IQGAP3: variants seen among roughly 807,000 people sequenced by gnomAD.
IQGAP3 encodes IQ motif containing GTPase activating protein 3.
Under a neutral mutation model 208.2 loss-of-function variants are expected in IQGAP3, and 165 were observed. The observed-to-expected ratio is 0.79, with a 90% CI of 0.70 to 0.90. The LOEUF is 0.90. Among genes scored for constraint, IQGAP3 ranks in the 40% least tolerant of loss-of-function variants. IQGAP3 has a pLI of 0.00. For missense variants in IQGAP3, 1,811 were observed against 2,043.1 expected (o/e 0.89, Z 2.19); for synonymous variants, 703 against 803.6 (o/e 0.87, Z 2.12).
intron 11 of IQGAP3, among the ~76,000 whole-genome samples, chr1:156,560,389 T>G (rs971966972): frequency 6.6e-6 from 1 of 152,076 alleles, no homozygotes; most frequent in Non-Finnish European, 1.5e-5. Context: ...CAGGTGCCTG[T>G]CAACCCAGCT....
intron 36 of IQGAP3, among the ~76,000 whole-genome samples, 164 bp from the exon 37 acceptor site, chr1:156,528,224 T>C (rs772643748): frequency 7.2e-5 from 11 of 152,114 alleles, no homozygotes; most frequent in Non-Finnish European, 1.6e-4. Flanking sequence ...CCATTTTACT[T>C]CTGCTCCCCA....
chr1:156,556,637 T>G lies in IQGAP3; in HGVS notation c.1186A>C (p.Thr396Pro). 1 of 1,609,356 alleles carries G rather than the reference T, an allele frequency of 6.2e-7. No individual in the cohort carries two copies. Among genetic ancestry groups the G allele is most frequent in the Non-Finnish European group, 8.5e-7 (1 of 1,177,188 alleles). Residue 396 changes from threonine (T) to proline (P), a missense_variant, in exon 12 of 38, where the codon ACT (threonine) becomes CCT (proline). Physicochemically the swap from Thr to Pro is conservative, Grantham distance 38. Coordinates refer to ENST00000361170, the MANE Select transcript of IQGAP3 (RefSeq NM_178229.5). ...KAIRRRVAAD[T>P]VKELMCPEAQ... ...TCAGGGCACATCAGCTCCTTCACAG[T>G]GTCAGCCGCCACTCTCCTCCGGATG...
At position 156,563,116 on chromosome 1, in the gene IQGAP3, C is replaced by A. The variant is rs16837492; in HGVS notation, c.798+18G>T. ...CCACTCAACTTTTCGGTCCCTGCAA[C>A]CCAAGACTACTCCTTACATGGTTCC... On this transcript the variant is annotated intron_variant, in intron 8 of 37. Transcript: ENST00000361170. 0.69 allele frequency: 1,072,251 copies of A among 1,560,612 alleles called. 373,390 individuals carry two copies. The highest frequency in any genetic ancestry group is 0.72 in the Non-Finnish European group (829,816 of 1,148,088).
intron 19 of IQGAP3, among the ~76,000 whole-genome samples, chr1:156,547,204 C>T (rs921722701): frequency 6.6e-6 from 1 of 152,088 alleles, no homozygotes; most frequent in East Asian, 1.9e-4. Context: ...CCACACTGGA[C>T]CATCCACGGG....
At chr1:156,562,710 TCTC>T in intron 8 of IQGAP3, 45 bp from the exon 9 acceptor site, 1 of 1,497,370 alleles carries the variant, frequency 6.7e-7, no homozygotes, top group Non-Finnish European at 9.3e-7. Context: ...CCCAATTTAA[TCTC>T]CTTGTCCTGC....
At chr1:156,528,841 T>C in intron 35 of IQGAP3, 75 bp downstream of exon 35, 1 of 1,531,670 alleles carries the variant, frequency 6.5e-7, no homozygotes, top group Non-Finnish European at 9.0e-7. Context: ...AGCTGGGAGA[T>C]AGCAGGGCAA....
chr1:156,563,106 G>T, intron 8 of IQGAP3, 28 bp downstream of exon 8: 1 of 1,534,298 alleles, frequency 6.5e-7, no homozygotes, highest in Non-Finnish European at 8.8e-7. Flanking sequence ...CAACTTTTCG[G>T]TCCCTGCAAC....
At chr1:156,541,170 C>A (rs1414641667) in intron 22 of IQGAP3, among the ~76,000 whole-genome samples, 1 of 152,008 alleles carries the variant, frequency 6.6e-6, no homozygotes, top group Non-Finnish European at 1.5e-5. Flanking sequence ...CTCTGATTCA[C>A]CCCAGCCTGG....
Position 156,530,248 on chromosome 1 carries a change from G to C in IQGAP3, c.4261C>G (p.Arg1421Gly), listed in dbSNP as rs751036559. 6.2e-7 allele frequency: 1 copy of C among 1,612,900 alleles called. No homozygotes were observed. Among genetic ancestry groups the C allele is most frequent in the Admixed American group, 1.7e-5 (1 of 59,986 alleles). Residue 1421 changes from arginine to glycine, a missense_variant, in exon 34 of 38, where the codon CGA becomes GGA. By Grantham distance (125) the Arg-to-Gly change is moderately radical (BLOSUM62 -2). Coordinates refer to ENST00000361170, the MANE Select transcript of IQGAP3 (RefSeq NM_178229.5). ...CTAQTPEPLR[R>G]HRSLTAHSLL... is the part of the protein sequence containing the mutation. ...GAGTGAGCTGTCAGTGAGCGGTGTC[G>C]TCGCAGTGGCTCCGGTGTCTGGGCT...
chr1:156,530,274 G>A lies in IQGAP3; in HGVS notation c.4235C>T (p.Thr1412Ile), dbSNP rs1320186125. Reference sequence around the variant, plus strand: ...TCGCAGTGGCTCCGGTGTCTGGGCTGTACAGGCCTGGCGTCGGCTCATCAG... The same window carrying A: ...TCGCAGTGGCTCCGGTGTCTGGGCTATACAGGCCTGGCGTCGGCTCATCAG... ...KQLMSRRQAC[T>I]AQTPEPLRRH... The change falls in exon 34 of 38, where the codon ACA (threonine) becomes ATA (isoleucine). Residue 1412 changes from threonine (T) to isoleucine (I), a missense_variant. Coordinates refer to ENST00000361170, the MANE Select transcript of IQGAP3 (RefSeq NM_178229.5). 6.2e-7 allele frequency: 1 copy of A among 1,611,742 alleles called. No individual in the cohort carries two copies. The highest frequency in any genetic ancestry group is 1.3e-5 in the African/African-American group (1 of 74,916).
chr1:156,542,220 C>T (rs1206186114), intron 22 of IQGAP3, among the ~76,000 whole-genome samples: 3 of 152,142 alleles, frequency 2.0e-5, no homozygotes. Flanking sequence ...GACAGAGTCT[C>T]GCTCTGTTGT....
rs373751756 is a variant in IQGAP3, at chr1:156,554,241, G to A, written c.1442C>T (p.Ala481Val). The change falls in exon 13 of 38, where the codon GCC becomes GTC. Residue 481 changes from alanine to valine, a missense_variant. By Grantham distance (64) the Ala-to-Val change is moderately conservative (BLOSUM62 0). Coordinates refer to ENST00000361170, the MANE Select transcript of IQGAP3 (RefSeq NM_178229.5). ...GTGGCTAAGCCTTTCTCACCGCTGG[G>A]CATTTTCTCCTTCCACCTCAGCCAG... ...TGLAEVEGEN[A>V]QRYFDALLKL... is the part of the protein sequence containing the mutation. 1.9e-6 allele frequency: 3 copies of A among 1,606,850 alleles called. No individual in the cohort carries two copies. Among genetic ancestry groups the A allele is most frequent in the East Asian group, 2.2e-5 (1 of 44,798 alleles).
At position 156,526,619 on chromosome 1, in the gene IQGAP3, G is replaced by A. The variant is rs767119729; in HGVS notation, c.4783-20C>T. 9.6e-6 allele frequency: 15 copies of A among 1,570,488 alleles called. No individual in the cohort carries two copies. In the East Asian group the frequency reaches 2.7e-4, roughly 28 times the overall value. ...GAGATCCTAGGAGGGAAGAGGCAGG[G>A]AGGGGAGTTTAAGGGCTTCTGAATG... is the stretch of plus-strand genomic sequence containing the variant. On this transcript the variant is annotated intron_variant, in intron 37 of 37. Transcript: ENST00000361170.
chr1:156,552,051 C>T lies in IQGAP3; in HGVS notation c.1493G>A (p.Gly498Asp). 6.2e-7 allele frequency: 1 copy of T among 1,614,212 alleles called. No individual in the cohort carries two copies. The highest frequency in any genetic ancestry group is 8.5e-7 in the Non-Finnish European group (1 of 1,180,036). ...GTCATTCCAGCTCAGGAAGTCCTCA[C>T]CCATCCCACGCTCCTGTCGCAATTT... ...LLKLRQERGM[G>D]EDFLSWNDLQ... The change falls in exon 14 of 38, where the codon GGT (glycine) becomes GAT (aspartate). Residue 498 changes from glycine (G) to aspartate (D), a missense_variant. Transcript: ENST00000361170.
chr1:156,569,931 C>G (rs1472906237), intron 1 of IQGAP3, among the ~76,000 whole-genome samples: 1 of 152,182 alleles, frequency 6.6e-6, no homozygotes, highest in Non-Finnish European at 1.5e-5. Context: ...GCAGCCTCCT[C>G]CTGTGCTGGA....
Position 156,533,892 on chromosome 1 carries a change from GA to G in IQGAP3, c.3874-18del. ...CAGCAACAGCTGCAGGACGGAGAAA[GA>G]AAAGGAGATGCAGGGTCTGAGCCAG... On this transcript the variant is annotated intron_variant, in intron 30 of 37. Transcript: ENST00000361170. The G allele has an allele frequency of 1.2e-6, 2 of 1,605,760 alleles. No homozygotes were observed. Among genetic ancestry groups the G allele is most frequent in the Non-Finnish European group, 1.7e-6 (2 of 1,175,332 alleles).
At position 156,528,595 on chromosome 1, in the gene IQGAP3, C is replaced by T. The variant is rs754795592; in HGVS notation, c.4587G>A (p.Gly1529=). 2 of 1,613,380 alleles carry T rather than the reference C, an allele frequency of 1.2e-6. No individual in the cohort carries two copies. Among genetic ancestry groups the T allele is most frequent in the Non-Finnish European group, 1.7e-6 (2 of 1,179,530 alleles). ...TGTAATGAAGAGAAGGCTGCTTCTT[C>T]CCCTTCCCAGAACTCCTGATTAAAA... is the stretch of plus-strand genomic sequence containing the variant. ...LAPDSKSSGK[G]KKQPSLHYTA... is the part of the protein sequence containing the mutation. The change falls in exon 36 of 38, where the codon GGG becomes GGA. Residue 1529 remains glycine, a synonymous_variant. Transcript: ENST00000361170.
At chr1:156,533,186 C>CACACA in intron 31 of IQGAP3, 80 bp from the exon 32 acceptor site, 1 of 1,545,660 alleles carries the variant, frequency 6.5e-7, no homozygotes, top group Non-Finnish European at 8.9e-7. Context: ...CACACATGCA[C>CACACA]CGATGGGGTC....
Position 156,539,031 on chromosome 1 carries a change from G to C in IQGAP3, c.3059C>G (p.Ser1020Ter). 1 of 1,612,866 alleles carries C rather than the reference G, an allele frequency of 6.2e-7. No individual in the cohort carries two copies. The part of the protein sequence containing the change: ...FKTALQEEIK[S>*]KVEQPQDVVT... ...CACGTCCTGGGGCTGCTCCACCTTT[G>C]ACCTGTGGTTTAAGAGGTCATTGAA... Residue 1020 changes from serine to a stop codon, truncating the protein, a stop_gained and splice_region_variant, in exon 26 of 38, where the codon TCA becomes TGA. Transcript: ENST00000361170. LOFTEE classifies it high-confidence loss of function.
Sources: gnomAD v4.1 joint callset for allele counts (sites outside exome capture counted in the v4.1 genomes callset) on GRCh38, gnomAD v4.1.1 for gene constraint, MANE v1.5 for transcripts, NCBI Gene and HGNC (gene_info 2026-07-23, HGNC 2026-07-21) for gene names.